ZNRF1: variants seen among roughly 807,000 people sequenced by gnomAD.
ZNRF1 encodes E3 ubiquitin-protein ligase ZNRF1.
ZNRF1 carries 3 observed loss-of-function variants against 18.4 expected under a neutral mutation model. That is an observed-to-expected ratio of 0.16 (90% CI 0.07 to 0.42). The LOEUF is 0.42. Among genes scored for constraint, ZNRF1 ranks in the 10% least tolerant of loss-of-function variants. ZNRF1 has a pLI of 0.99. For synonymous variants in ZNRF1, 157 were observed against 144.2 expected, an observed-to-expected ratio of 1.09 and a Z score of -0.64; for missense variants, 310 against 329.8, an observed-to-expected ratio of 0.94 and a Z score of 0.47.
intron 1 of ZNRF1, among the ~76,000 whole-genome samples, chr16:75,060,134 A>G (rs547251431): frequency 6.6e-6 from 1 of 151,886 alleles, no homozygotes; most frequent in South Asian, 2.1e-4. Context: ...GCTCACTGCA[A>G]CCTCCGCCTC....
Position 74,999,589 on chromosome 16 carries a change from C to G in ZNRF1, c.-83C>G. 9.4e-7 allele frequency: 1 copy of G among 1,067,034 alleles called. No homozygotes were observed. Among genetic ancestry groups the G allele is most frequent in the Non-Finnish European group, 1.2e-6 (1 of 823,124 alleles). The allele number at this position is 1,067,034 out of a possible 1,614,324, so 66.1% of individuals were successfully genotyped here. ...CTTTTTGACTCCCTCCCCCTTTATG[C>G]TCGCCCAGCCCTCCCCCTGCTGCTG... On this transcript the variant is annotated 5_prime_UTR_variant, in exon 1 of 5. Transcript: ENST00000335325.
chr16:75,048,185 A>C (rs2035540853), intron 1 of ZNRF1, among the ~76,000 whole-genome samples: 1 of 152,080 alleles, frequency 6.6e-6, no homozygotes, highest in African/African-American at 2.4e-5. Flanking sequence ...TCCTGGACTC[A>C]AGTGATTCAC....
intron 1 of ZNRF1, among the ~76,000 whole-genome samples, chr16:75,046,561 A>G (rs1233136081): frequency 2.6e-5 from 4 of 151,084 alleles, no homozygotes; most frequent in Admixed American, 1.3e-4. Flanking sequence ...GTTTTCTTCT[A>G]TTATTATTTT....
intron 1 of ZNRF1, among the ~76,000 whole-genome samples, chr16:75,088,790 C>T (rs776242502): frequency 3.9e-5 from 6 of 152,304 alleles, no homozygotes; most frequent in Non-Finnish European, 7.3e-5. Flanking sequence ...ACATGTAAAG[C>T]ACCATGGCTG....
intron 1 of ZNRF1, among the ~76,000 whole-genome samples, chr16:75,043,350 T>C (rs1005224532): frequency 2.0e-5 from 3 of 152,232 alleles, no homozygotes; most frequent in Admixed American, 6.5e-5. Flanking sequence ...AGGAAACTGG[T>C]GCTTCCCTTC....
chr16:75,038,299 C>G (rs939380214), intron 1 of ZNRF1, among the ~76,000 whole-genome samples: 1 of 152,192 alleles, frequency 6.6e-6, no homozygotes, highest in Non-Finnish European at 1.5e-5. Context: ...ATTCACACAT[C>G]TGGCAAGTTG....
chr16:75,008,256 A>G (rs558226942), intron 1 of ZNRF1, among the ~76,000 whole-genome samples: 1 of 152,310 alleles, frequency 6.6e-6, no homozygotes, highest in African/African-American at 2.4e-5. Flanking sequence ...AACCAGGAAC[A>G]ACATTGTTGG....
intron 1 of ZNRF1, among the ~76,000 whole-genome samples, chr16:75,040,042 CTTTTTTTTTT>C (rs57122648): frequency 2.0e-4 from 16 of 78,888 alleles, no homozygotes; most frequent in Admixed American, 1.7e-3. Context: ...TCTTTTCTTT[CTTTTTTTTTT>C]TTTTTTTTTT....
chr16:75,052,406 AAAAAAAAAG>A lies in ZNRF1; in HGVS notation c.425-41161_425-41153del, dbSNP rs774810050. On this transcript the variant is annotated intron_variant, in intron 1 of 4. Transcript: ENST00000335325. ...ACAGAGCCAGACCCTGTCTCAAAAA[AAAAAAAAAG>A]AAAAGAAAAAGATAATGTTATGTTA... 8.5e-5 allele frequency among the ~76,000 whole-genome samples: 13 copies of A among 152,156 alleles called. 2 individuals are homozygous for A. The highest frequency in any genetic ancestry group is 7.7e-4 in the East Asian group (4 of 5,182).
rs141673894 is a variant in ZNRF1 at position 75,003,247 on chromosome 16, C to T, written c.424+3152C>T. Among the ~76,000 whole-genome samples, 568 of 152,348 alleles carry T rather than the reference C, an allele frequency of 3.7e-3. 4 individuals are homozygous for T. The highest frequency in any genetic ancestry group is 6.8e-3 in the Middle Eastern group (2 of 294). On this transcript the variant is annotated intron_variant, in intron 1 of 4. Transcript: ENST00000335325. ...AAAGTGATAGGATTACAGGCGTGAG[C>T]CACTGCGCCCTGCACCTTAATCATT...
intron 1 of ZNRF1, among the ~76,000 whole-genome samples, chr16:75,052,969 C>T (rs1465050934): frequency 6.6e-6 from 1 of 152,188 alleles, no homozygotes; most frequent in Non-Finnish European, 1.5e-5. Flanking sequence ...CATTTGCTGC[C>T]ACTGGGGACA....
At chr16:75,097,484 C>G (rs1164842855) in intron 2 of ZNRF1, among the ~76,000 whole-genome samples, 2 of 152,140 alleles carry the variant, frequency 1.3e-5, no homozygotes, top group Non-Finnish European at 2.9e-5. Context: ...AGGCCATTGC[C>G]CCCATCTTTA....
chr16:75,106,434 G>GGAGCTT (rs2036316665), intron 3 of ZNRF1, 48 bp from the exon 4 acceptor site: 1 of 1,611,000 alleles, frequency 6.2e-7, no homozygotes, highest in Non-Finnish European at 8.5e-7. Flanking sequence ...CTTCAAAGCA[G>GGAGCTT]CCTGGGCAGC....
chr16:75,004,773 T>G (rs934261056), intron 1 of ZNRF1, among the ~76,000 whole-genome samples: 4 of 152,114 alleles, frequency 2.6e-5, no homozygotes, highest in Non-Finnish European at 4.4e-5. Context: ...CCACTACACC[T>G]GGCTAAATTT....
At chr16:75,024,301 GGCATATTGT>G (rs1256456435) in intron 1 of ZNRF1, among the ~76,000 whole-genome samples, 2 of 152,162 alleles carry the variant, frequency 1.3e-5, no homozygotes, top group Admixed American at 1.3e-4. Context: ...GTTAAGAGAA[GGCATATTGT>G]TACTGATTGC....
intron 1 of ZNRF1, among the ~76,000 whole-genome samples, chr16:75,043,790 C>CT (rs59324869): frequency 0.015 from 1,140 of 75,180 alleles, 40 homozygotes; most frequent in African/African-American, 0.049. Context: ...TTGCTTTGTA[C>CT]TTTTTTTTTT....
intron 1 of ZNRF1, among the ~76,000 whole-genome samples, chr16:75,003,397 G>A (rs545269150): frequency 6.6e-6 from 1 of 152,326 alleles, no homozygotes; most frequent in Non-Finnish European, 1.5e-5. Context: ...CACTGTGCCT[G>A]CCACTCACAT....
At chr16:75,086,453 G>C (rs1005201310) in intron 1 of ZNRF1, among the ~76,000 whole-genome samples, 24 of 152,206 alleles carry the variant, frequency 1.6e-4, no homozygotes, top group African/African-American at 5.5e-4. Flanking sequence ...GCCTTTCCCA[G>C]TCAAGGATGT....
chr16:75,102,365 A>T (rs1312376620), intron 2 of ZNRF1, among the ~76,000 whole-genome samples: 2 of 152,200 alleles, frequency 1.3e-5, no homozygotes, highest in African/African-American at 4.8e-5. Flanking sequence ...AATGAGAATA[A>T]CACTGGGTGC....
Sources: allele counts gnomAD v4.1 joint callset (sites outside exome capture counted in the v4.1 genomes callset), GRCh38; gene constraint gnomAD v4.1.1; transcripts MANE v1.5; gene names NCBI Gene and HGNC (gene_info 2026-07-23, HGNC 2026-07-21).